Variants in DENND5B observed in about 807,000 individuals in gnomAD.
DENND5B encodes DENN domain-containing protein 5B.
In DENND5B, 34 loss-of-function variants were observed where a neutral mutation model predicts 140.6. The observed-to-expected ratio is 0.24, with a 90% CI of 0.18 to 0.32. The LOEUF is 0.32. Ranked by LOEUF, DENND5B falls within the 10% of genes least tolerant of loss-of-function variation. DENND5B has a pLI of 1.00. For missense variants in DENND5B, 1,142 were observed against 1,560.2 expected, an observed-to-expected ratio of 0.73 and a Z score of 4.52; for synonymous variants, 551 against 562.1, an observed-to-expected ratio of 0.98 and a Z score of 0.28.
intron 1 of DENND5B, among the ~76,000 whole-genome samples, chr12:31,579,512 TG>T (rs1439637399): frequency 1.3e-5 from 2 of 151,878 alleles, no homozygotes; most frequent in Non-Finnish European, 2.9e-5. Context: ...AATACAAAAA[TG>T]AGCCAGGCTT....
At chr12:31,440,030 A>G (rs1943965108) in intron 7 of DENND5B, among the ~76,000 whole-genome samples, 2 of 152,056 alleles carry the variant, frequency 1.3e-5, no homozygotes, top group South Asian at 2.1e-4. Flanking sequence ...CTTCACAAAT[A>G]AAAGAAAAAA....
chr12:31,460,504 A>G (rs1196786061), intron 3 of DENND5B, 123 bp from the exon 4 acceptor site: 1 of 877,516 alleles, frequency 1.1e-6, no homozygotes, highest in Non-Finnish European at 1.7e-6. Flanking sequence ...TTTCTTTATG[A>G]TCATACAGAA....
chr12:31,586,151 C>G (rs1443540326), intron 1 of DENND5B, among the ~76,000 whole-genome samples: 1 of 152,122 alleles, frequency 6.6e-6, no homozygotes. Flanking sequence ...CTCCTACAGC[C>G]AGGTCTTAAA....
At chr12:31,491,002 A>G (rs1452191115) in intron 2 of DENND5B, among the ~76,000 whole-genome samples, 2 of 152,226 alleles carry the variant, frequency 1.3e-5, no homozygotes, top group Non-Finnish European at 2.9e-5. Flanking sequence ...CAGTTTGCTT[A>G]AAAGTTATTG....
At chr12:31,576,549 AG>A (rs1950025636) in intron 1 of DENND5B, among the ~76,000 whole-genome samples, 1 of 152,186 alleles carries the variant, frequency 6.6e-6, no homozygotes, top group Non-Finnish European at 1.5e-5. Context: ...AGTTTCTGCT[AG>A]AAATGAAGGT....
Position 31,511,537 on chromosome 12 carries a change from CTT to C in DENND5B, c.128-15620_128-15619del, listed in dbSNP as rs59147620. Among the ~76,000 whole-genome samples the C allele has an allele frequency of 2.9e-3, 334 of 114,968 alleles. 1 individual carries two copies. Among genetic ancestry groups the C allele is most frequent in the African/African-American group, 8.4e-3 (269 of 32,092 alleles). 75.4% of individuals were successfully genotyped at this position (114,968 alleles called of 152,430 possible). A position where few individuals can be genotyped will look rare whatever the true frequency, so the allele number is the denominator to read the frequency against. On this transcript the variant is annotated intron_variant, in intron 1 of 20. Coordinates refer to ENST00000389082, the MANE Select transcript of DENND5B (RefSeq NM_144973.4). Reference sequence around the variant, plus strand: ...TCTTAATAATACGTGAATATGATGTCTTTTTTTTTTTTTTTAACAGAGATAGC... The same window carrying C: ...TCTTAATAATACGTGAATATGATGTCTTTTTTTTTTTTTAACAGAGATAGC...
chr12:31,518,746 A>C (rs1947771422), intron 1 of DENND5B, among the ~76,000 whole-genome samples: 1 of 150,980 alleles, frequency 6.6e-6, no homozygotes, highest in South Asian at 2.1e-4. Context: ...GGGTTTTTTA[A>C]ATCTTTTTTT....
At chr12:31,393,937 A>G (rs1204181620) in intron 17 of DENND5B, among the ~76,000 whole-genome samples, 1 of 151,138 alleles carries the variant, frequency 6.6e-6, no homozygotes, top group African/African-American at 2.4e-5. Context: ...TGATCCGCCC[A>G]CCTCAGCCTC....
Position 31,590,801 on chromosome 12 carries a change from C to G in DENND5B, c.32G>C (p.Gly11Ala), listed in dbSNP as rs1015310167. Residue 11 changes from glycine to alanine, a missense_variant, in exon 1 of 21, where the codon GGC becomes GCC. Around this residue, in one of 5 missense-constraint regions of DENND5B, gnomAD observed 708 missense variants for 905.5 expected, o/e 0.78. Transcript: ENST00000389082. Reference protein sequence around the residue: MSGSCAAPGPGSGSSPAACRF... With the variant: MSGSCAAPGPASGSSPAACRF... The stretch of plus-strand genomic sequence containing the variant: ...GCAGGCGGCCGGGGAGGAGCCCGAG[C>G]CCGGGCCGGGCGCCGCGCAGCTCCC... 6 of 1,315,196 alleles carry G rather than the reference C, an allele frequency of 4.6e-6. No homozygotes were observed. In the African/African-American group the frequency reaches 6.1e-5, roughly 13 times the overall value. The allele number at this position is 1,315,196 out of a possible 1,614,324, so 81.5% of individuals were successfully genotyped here.
chr12:31,471,557 T>G (rs372270359), intron 3 of DENND5B, among the ~76,000 whole-genome samples: 1 of 137,424 alleles, frequency 7.3e-6, no homozygotes, highest in Non-Finnish European at 1.5e-5. Context: ...ACAAGGGAGG[T>G]AGAGATGGAG....
At chr12:31,405,683 G>T (rs890325048) in intron 14 of DENND5B, among the ~76,000 whole-genome samples, 16 of 151,700 alleles carry the variant, frequency 1.1e-4, no homozygotes, top group African/African-American at 3.9e-4. Flanking sequence ...AAGTAGTTGG[G>T]ATTACGGGGG....
chr12:31,387,501 T>G lies in DENND5B; in HGVS notation c.*102A>C. The stretch of plus-strand genomic sequence containing the variant: ...GGATTGTTCCAAATGGGGCATATGT[T>G]TGGCTGCCCCTGCAGTGACTCACTA... On this transcript the variant is annotated 3_prime_UTR_variant, in exon 21 of 21. Transcript: ENST00000389082. 1 of 1,229,666 alleles carries G rather than the reference T, an allele frequency of 8.1e-7. No homozygotes were observed. Among genetic ancestry groups the G allele is most frequent in the Non-Finnish European group, 1.1e-6 (1 of 880,144 alleles). The allele number at this position is 1,229,666 out of a possible 1,614,324, so 76.2% of individuals were successfully genotyped here.
chr12:31,482,934 GA>G (rs1183410199), intron 2 of DENND5B, among the ~76,000 whole-genome samples: 1 of 152,158 alleles, frequency 6.6e-6, no homozygotes, highest in Non-Finnish European at 1.5e-5. Flanking sequence ...GGCCTGCAGG[GA>G]AGCCCTGCAT....
At chr12:31,405,875 T>C (rs955085658) in intron 14 of DENND5B, among the ~76,000 whole-genome samples, 1 of 151,206 alleles carries the variant, frequency 6.6e-6, no homozygotes, top group Non-Finnish European at 1.5e-5. Flanking sequence ...AGAAGAAGTC[T>C]TGTTCTGATG....
chr12:31,409,418 T>TCTAGAGA (rs1410537831), intron 13 of DENND5B, 34 bp from the exon 14 acceptor site: 1 of 1,356,844 alleles, frequency 7.4e-7, no homozygotes. Flanking sequence ...AAGACAGTAG[T>TCTAGAGA]ATCAAAGAAA....
At chr12:31,534,416 G>C (rs934911987) in intron 1 of DENND5B, among the ~76,000 whole-genome samples, 1 of 152,106 alleles carries the variant, frequency 6.6e-6, no homozygotes, top group Admixed American at 6.6e-5. Flanking sequence ...CTGACCTCAA[G>C]TGATCTGCCT....
rs1286299512 is a variant in DENND5B at position 31,399,144 on chromosome 12, A to G, written c.3068+510T>C. Among the ~76,000 whole-genome samples, 4 of 136,530 alleles carry G rather than the reference A, an allele frequency of 2.9e-5. 1 individual carries two copies. The highest frequency in any genetic ancestry group is 1.2e-4 in the African/African-American group (4 of 32,614). 89.6% of individuals were successfully genotyped at this position (136,530 alleles called of 152,430 possible). A position where few individuals can be genotyped will look rare whatever the true frequency, so the allele number is the denominator to read the frequency against. ...TCTCAGCCCAAAAAAAAAAAAAAAA[A>G]AGAGAGAGAAAGAAAAAAAAAAGTT... On this transcript the variant is annotated intron_variant, in intron 16 of 20. Coordinates refer to ENST00000389082, the MANE Select transcript of DENND5B (RefSeq NM_144973.4).
intron 14 of DENND5B, among the ~76,000 whole-genome samples, chr12:31,406,901 G>C (rs1942154074): frequency 6.6e-6 from 1 of 151,974 alleles, no homozygotes; most frequent in African/African-American, 2.4e-5. Context: ...CCGGGTTCAA[G>C]TGATTCTCCC....
intron 1 of DENND5B, among the ~76,000 whole-genome samples, chr12:31,505,387 C>T (rs939768278): frequency 1.1e-4 from 17 of 152,018 alleles, no homozygotes; most frequent in Admixed American, 9.2e-4. Flanking sequence ...TACAGGTGTG[C>T]TACCATGCCC....
Sources: gnomAD v4.1 joint callset for allele counts (sites outside exome capture counted in the v4.1 genomes callset) on GRCh38, gnomAD v4.1.1 for gene constraint, gnomAD v4.1.1 regional missense constraint, MANE v1.5 for transcripts, NCBI Gene and HGNC (gene_info 2026-07-23, HGNC 2026-07-21) for gene names.